The following PPFIA1 variants were observed in gnomAD, a reference collection of about 807,000 sequenced individuals.
The protein encoded by PPFIA1 is liprin-alpha-1.
Under a neutral mutation model 149.9 loss-of-function variants are expected in PPFIA1, and 25 were observed. That is an observed-to-expected ratio of 0.17 (90% CI 0.12 to 0.23). PPFIA1 has a LOEUF of 0.23. Among genes scored for constraint, PPFIA1 ranks in the 10% least tolerant of loss-of-function variants. PPFIA1 has a pLI of 1.00. For synonymous variants in PPFIA1, 549 were observed against 552.8 expected, an observed-to-expected ratio of 0.99 and a Z score of 0.10; for missense variants, 1,362 against 1,506.5, an observed-to-expected ratio of 0.90 and a Z score of 1.59.
chr11:70,359,076 G>A (rs979244716), intron 19 of PPFIA1, among the ~76,000 whole-genome samples: 1 of 152,190 alleles, frequency 6.6e-6, no homozygotes, highest in Non-Finnish European at 1.5e-5. Flanking sequence ...TTCCTGAGAG[G>A]ATCTTTTTAT....
At chr11:70,363,818 G>C (rs976548314) in intron 21 of PPFIA1, among the ~76,000 whole-genome samples, 10 of 152,112 alleles carry the variant, frequency 6.6e-5, no homozygotes, top group Non-Finnish European at 1.5e-5. Context: ...CCAGCCAGAA[G>C]CATCCATTGA....
At chr11:70,363,441 G>A (rs2056763958) in intron 21 of PPFIA1, 1 of 152,242 alleles carries the variant, frequency 6.6e-6, no homozygotes, top group African/African-American at 2.4e-5. Flanking sequence ...AGCATCTTGA[G>A]TAAAATTTTT....
At position 70,340,282 on chromosome 11, in the gene PPFIA1, TAAAG is replaced by T. The variant is rs201999404; in HGVS notation, c.1707+980_1707+983del. 1.6e-4 allele frequency among the ~76,000 whole-genome samples: 25 copies of T among 152,096 alleles called. No homozygotes were observed. The East Asian group carries it at 4.1e-3, about 25-fold the overall frequency. On this transcript the variant is annotated intron_variant, in intron 14 of 27. Coordinates refer to ENST00000253925, the MANE Select transcript of PPFIA1 (RefSeq NM_003626.5). ...CATAGTAGGACCCTGTCTCTACAAATAAAGAAATTAGCTGGGCATGGTGGCATGT... is the reference window on the plus strand; with the variant it reads ...CATAGTAGGACCCTGTCTCTACAAATAAATTAGCTGGGCATGGTGGCATGT...
chr11:70,272,230 G>A lies in PPFIA1; in HGVS notation c.58G>A (p.Gly20Arg). ...SEAEGPPGGG[G>R]GHGSGSPSQP... The stretch of plus-strand genomic sequence containing the variant: ...AGCAGAAGGCCCCCCTGGAGGAGGT[G>A]GAGGCCATGGTTCCGGCTCCCCTTC... The change falls in exon 2 of 28, where the codon GGA becomes AGA. Residue 20 changes from glycine to arginine, a missense_variant. Gly to Arg is a moderately radical substitution (Grantham distance 125). Around this residue, in one of 7 missense-constraint regions of PPFIA1, gnomAD observed 100 missense variants for 106.2 expected, o/e 0.94. Transcript: ENST00000253925. 1 of 1,614,162 alleles carries A rather than the reference G, an allele frequency of 6.2e-7. No homozygotes were observed. Among genetic ancestry groups the A allele is most frequent in the Non-Finnish European group, 8.5e-7 (1 of 1,180,014 alleles).
intron 19 of PPFIA1, 90 bp downstream of exon 19, chr11:70,356,344 A>G (rs2056361568): frequency 1.1e-6 from 1 of 905,494 alleles, no homozygotes; most frequent in East Asian, 2.4e-5. Context: ...ATAGCTAGCT[A>G]TGTATATATA....
At chr11:70,273,000 G>A (rs182383899) in intron 2 of PPFIA1, among the ~76,000 whole-genome samples, 13 of 152,352 alleles carry the variant, frequency 8.5e-5, no homozygotes, top group South Asian at 4.1e-4. Flanking sequence ...AGCTTAGGCC[G>A]GGTGTGGTGG....
At chr11:70,378,952 T>G (rs1008106239) in intron 26 of PPFIA1, among the ~76,000 whole-genome samples, 3 of 152,170 alleles carry the variant, frequency 2.0e-5, no homozygotes, top group Non-Finnish European at 2.9e-5. Context: ...GCTGCCTAGG[T>G]TTGACTCCAG....
chr11:70,346,935 C>T lies in PPFIA1; in HGVS notation c.1932-1254C>T, dbSNP rs139231878. 1.4e-3 allele frequency among the ~76,000 whole-genome samples: 220 copies of T among 152,298 alleles called. 1 individual carries two copies. The highest frequency in any genetic ancestry group is 5.1e-3 in the African/African-American group (212 of 41,574). On this transcript the variant is annotated intron_variant, in intron 15 of 27. Coordinates refer to ENST00000253925, the MANE Select transcript of PPFIA1 (RefSeq NM_003626.5). ...AAAACTGCTGTCTAGTGATCCATGA[C>T]ACTCTAGGAGAGAGGAGCGTTAATC... is the stretch of plus-strand genomic sequence containing the variant.
chr11:70,384,015 A>C lies in PPFIA1; in HGVS notation c.*1025A>C, dbSNP rs2057796112. Reference sequence around the variant, plus strand: ...TTTCTTATGTAAATCATCTTTTTACATTTGTTTGTAAACATGTTTAAAGAA... The same window carrying C: ...TTTCTTATGTAAATCATCTTTTTACCTTTGTTTGTAAACATGTTTAAAGAA... On this transcript the variant is annotated 3_prime_UTR_variant, in exon 28 of 28. Coordinates refer to ENST00000253925, the MANE Select transcript of PPFIA1 (RefSeq NM_003626.5). 1 of 152,258 alleles carries C rather than the reference A, an allele frequency of 6.6e-6. No homozygotes were observed. The highest frequency in any genetic ancestry group is 2.1e-4 in the South Asian group (1 of 4,836). The allele number at this position is 152,258 out of a possible 1,614,324, so 9.4% of individuals were successfully genotyped here.
intron 25 of PPFIA1, 138 bp downstream of exon 25, chr11:70,376,738 G>A (rs2057507293): frequency 7.4e-6 from 6 of 808,406 alleles, no homozygotes; most frequent in Non-Finnish European, 1.2e-5. Flanking sequence ...TAGAAGTCAG[G>A]CTTTGCTCTT....
rs150266560 is a variant in PPFIA1 at position 70,362,127 on chromosome 11, G to A, written c.2615G>A (p.Gly872Asp). The A allele has an allele frequency of 9.9e-6, 16 of 1,614,056 alleles. No individual in the cohort carries two copies. In the African/African-American group the frequency reaches 2.0e-4, roughly 20 times the overall value. Residue 872 changes from glycine (G) to aspartate (D), a missense_variant, in exon 20 of 28, where the codon GGT becomes GAT. Coordinates refer to ENST00000253925, the MANE Select transcript of PPFIA1 (RefSeq NM_003626.5). Reference protein sequence around the residue: ...HELLEEARRQGLPFAQWDGPT... With the variant: ...HELLEEARRQDLPFAQWDGPT... ...TTGCTGGAGGAAGCCCGGAGACAAG[G>A]TTTACCTTTTGCCCAATGGGACGGG...
chr11:70,272,035 T>G (rs1403609960), intron 1 of PPFIA1, 138 bp from the exon 2 acceptor site: 1 of 984,568 alleles, frequency 1.0e-6, no homozygotes, highest in East Asian at 2.4e-5. Flanking sequence ...TTTCCCAGCT[T>G]ATTTACACAC....
chr11:70,282,646 A>G (rs965854927), intron 2 of PPFIA1, among the ~76,000 whole-genome samples: 2 of 142,582 alleles, frequency 1.4e-5, no homozygotes, highest in South Asian at 4.4e-4. Flanking sequence ...CTTCTGCCTC[A>G]GCCTCCCCAG....
At chr11:70,343,550 C>A in intron 14 of PPFIA1, 119 bp from the exon 15 acceptor site, 1 of 849,572 alleles carries the variant, frequency 1.2e-6, no homozygotes, top group Non-Finnish European at 1.9e-6. Flanking sequence ...ATAAGCATGG[C>A]CCATCTTTCT....
intron 2 of PPFIA1, among the ~76,000 whole-genome samples, chr11:70,315,734 C>T (rs557635537): frequency 1.5e-5 from 2 of 132,252 alleles, no homozygotes; most frequent in East Asian, 4.5e-4. Flanking sequence ...ATAAAAATAC[C>T]ATCATAACCA....
intron 14 of PPFIA1, 26 bp downstream of exon 14, chr11:70,339,332 T>G (rs2055169662): frequency 6.3e-7 from 1 of 1,598,536 alleles, no homozygotes; most frequent in Non-Finnish European, 8.6e-7. Flanking sequence ...GAAATACCTC[T>G]GCTTACGTGA....
intron 2 of PPFIA1, among the ~76,000 whole-genome samples, chr11:70,276,818 T>C (rs956538768): frequency 1.3e-5 from 2 of 151,988 alleles, no homozygotes; most frequent in Non-Finnish European, 2.9e-5. Flanking sequence ...TGGTTTGTAA[T>C]CCTTATTATC....
Position 70,291,827 on chromosome 11 carries a change from C to T in PPFIA1, c.264+19391C>T, listed in dbSNP as rs530637570. ...CTGGAACCACAGGCATGTGTCACCA[C>T]GCCTGGCTAATTTTTTTTTTTTTTT... On this transcript the variant is annotated intron_variant, in intron 2 of 27. Transcript: ENST00000253925. 3.2e-4 allele frequency among the ~76,000 whole-genome samples: 46 copies of T among 145,126 alleles called. No individual in the cohort carries two copies. The South Asian group carries it at 3.7e-3, about 12-fold the overall frequency.
chr11:70,325,563 A>T lies in PPFIA1; in HGVS notation c.595A>T (p.Thr199Ser). The change falls in exon 5 of 28, where the codon ACA (threonine) becomes TCA (serine). Residue 199 changes from threonine to serine, a missense_variant. Physicochemically the swap from Thr to Ser is moderately conservative, Grantham distance 58 (BLOSUM62 1). Coordinates refer to ENST00000253925, the MANE Select transcript of PPFIA1 (RefSeq NM_003626.5). ...CSLLEEELGA[T>S]HKELMILKEQ... ...TTTGTTAGAAGAGGAATTAGGTGCC[A>T]CACACAAAGAGGTAAGCTTGAGACT... is the stretch of plus-strand genomic sequence containing the variant. 1 of 1,570,514 alleles carries T rather than the reference A, an allele frequency of 6.4e-7. No homozygotes were observed. The highest frequency in any genetic ancestry group is 1.1e-5 in the South Asian group (1 of 90,184).
Sources: gnomAD v4.1 joint callset for allele counts (sites outside exome capture counted in the v4.1 genomes callset) on GRCh38, gnomAD v4.1.1 for gene constraint, gnomAD v4.1.1 regional missense constraint, MANE v1.5 for transcripts, NCBI Gene and HGNC (gene_info 2026-07-23, HGNC 2026-07-21) for gene names.